IFI44: variants seen among roughly 807,000 people sequenced by gnomAD.
IFI44 encodes the protein interferon-induced protein 44.
In IFI44, 42 loss-of-function variants were observed where a neutral mutation model predicts 45.0. The observed-to-expected ratio is 0.93, with a 90% confidence interval of 0.73 to 1.21. The LOEUF (loss-of-function observed/expected upper bound fraction) is 1.21. Among genes scored for constraint, IFI44 ranks in the 50% most tolerant of loss-of-function variants. The pLI, the probability that IFI44 is intolerant of heterozygous loss-of-function variation, is 0.00. For synonymous variants in IFI44, 221 were observed against 188.6 expected, an observed-to-expected ratio of 1.17 and a Z score of -1.41; for missense variants, 623 against 525.8, an observed-to-expected ratio of 1.18 and a Z score of -1.81.
At chr1:78,661,562 C>T (rs1241503229) in intron 7 of IFI44, among the ~76,000 whole-genome samples, 1 of 151,942 alleles carries the variant, frequency 6.6e-6, no homozygotes, top group Non-Finnish European at 1.5e-5. Context: ...ATCAGCTACA[C>T]AGATCATGAA....
chr1:78,654,478 T>C (rs567329786), intron 3 of IFI44, among the ~76,000 whole-genome samples, 199 bp downstream of exon 3: 1 of 152,098 alleles, frequency 6.6e-6, no homozygotes, highest in Non-Finnish European at 1.5e-5. Context: ...GAAAGGAATT[T>C]TAATGTCATA....
chr1:78,663,170 C>G (rs768416133), intron 8 of IFI44: 2 of 985,060 alleles, frequency 2.0e-6, no homozygotes, highest in Admixed American at 6.2e-5. Context: ...CAAGCTGTAT[C>G]CCTGGCCTCT....
intron 8 of IFI44, 121 bp from the exon 9 acceptor site, chr1:78,663,644 A>G (rs968582934): frequency 4.0e-5 from 57 of 1,423,560 alleles, no homozygotes; most frequent in African/African-American, 7.3e-5. Flanking sequence ...TCTCTTCCTC[A>G]TGGTACGTGT....
At chr1:78,663,110 T>C (rs964610205) in intron 8 of IFI44, 41 of 985,260 alleles carry the variant, frequency 4.2e-5, no homozygotes, top group Non-Finnish European at 4.7e-5. Context: ...TGTCTTGAGA[T>C]GAAAGTTTTA....
chr1:78,654,138 G>T, intron 2 of IFI44, 105 bp from the exon 3 acceptor site: 2 of 732,406 alleles, frequency 2.7e-6, no homozygotes, highest in African/African-American at 1.8e-5. Flanking sequence ...TCATGGAAAG[G>T]CTATTTTTGT....
intron 6 of IFI44, among the ~76,000 whole-genome samples, chr1:78,660,147 A>T (rs2100469071): frequency 6.6e-6 from 1 of 152,312 alleles, no homozygotes; most frequent in South Asian, 2.1e-4. Context: ...TTTACTTGTG[A>T]TGCTTTGACA....
At chr1:78,652,226 C>T (rs986494121) in intron 2 of IFI44, among the ~76,000 whole-genome samples, 7 of 152,048 alleles carry the variant, frequency 4.6e-5, no homozygotes, top group African/African-American at 1.7e-4. Flanking sequence ...GGATTACAGG[C>T]GGACACCACC....
In IFI44 at chr1:78,654,288, A is replaced by G. The variant is rs762101314; in HGVS notation, c.494+9A>G. The G allele has an allele frequency of 8.3e-5, 117 of 1,414,334 alleles. No individual in the cohort carries two copies. In the Admixed American group the frequency reaches 1.8e-3, roughly 22 times the overall value. The allele number at this position is 1,414,334 out of a possible 1,614,324, so 87.6% of individuals were successfully genotyped here. A position where few individuals can be genotyped will look rare whatever the true frequency, so the allele number is the denominator to read the frequency against. On this transcript the variant is annotated intron_variant, in intron 3 of 8. Coordinates refer to ENST00000370747, the MANE Select transcript of IFI44 (RefSeq NM_006417.5). ...ATAAAAGGGGTCATTGAGTAAGTCA[A>G]TGTTTTTAAGATTCTATTACTCTCT...
intron 5 of IFI44, among the ~76,000 whole-genome samples, chr1:78,655,906 T>C (rs980960295): frequency 3.3e-5 from 5 of 152,176 alleles, no homozygotes; most frequent in Admixed American, 6.5e-5. Flanking sequence ...CAAATTTATA[T>C]GTTGAAGTCC....
In IFI44 at chr1:78,663,792, G is replaced by A. The variant is rs1647607983; in HGVS notation, c.1316G>A (p.Cys439Tyr). 6.2e-7 allele frequency: 1 copy of A among 1,612,106 alleles called. No individual in the cohort carries two copies. Among genetic ancestry groups the A allele is most frequent in the African/African-American group, 1.3e-5 (1 of 74,814 alleles). Residue 439 changes from cysteine (C) to tyrosine (Y), a missense_variant, in exon 9 of 9, where the codon TGT becomes TAT. By Grantham distance (194) the Cys-to-Tyr change is radical. Coordinates refer to ENST00000370747, the MANE Select transcript of IFI44 (RefSeq NM_006417.5). ...IGNLREEIINCAQGKK is the reference protein window; with the variant it reads ...IGNLREEIINYAQGKK ...AATCTAAGGGAGGAAATTATCAACT[G>A]TGCACAAGGAAAAAAATAGATATGT...
chr1:78,652,027 T>G (rs1172146550), intron 2 of IFI44, among the ~76,000 whole-genome samples: 62 of 152,154 alleles, frequency 4.1e-4, no homozygotes, highest in Non-Finnish European at 1.0e-4. Flanking sequence ...ATTGAAAAAT[T>G]ACACACCAGT....
At position 78,660,658 on chromosome 1, in the gene IFI44, A is replaced by T. The variant is rs1470485893; in HGVS notation, c.1113+4A>T. The T allele has an allele frequency of 4.5e-6, 7 of 1,566,648 alleles. No individual in the cohort carries two copies. Among genetic ancestry groups the T allele is most frequent in the Non-Finnish European group, 6.2e-6 (7 of 1,137,150 alleles). The stretch of plus-strand genomic sequence containing the variant: ...ATGTGAGCCTGTGAGGTCCAAGGTA[A>T]TGAATGATGCCCTTCGTAAACACAT... On this transcript the variant is annotated splice_donor_region_variant and intron_variant, in intron 7 of 8. Transcript: ENST00000370747.
rs1053466449 is a variant in IFI44 at position 78,660,597 on chromosome 1, T to C, written c.1056T>C (p.Asp352=). ...TGCTCACTCATGTGGATAGCATGGA[T>C]TTGATTACAAAAGGTGACCTTATAG... is the stretch of plus-strand genomic sequence containing the variant. ...VALLTHVDSM[D]LITKGDLIEI... is the part of the protein sequence containing the mutation. The change falls in exon 7 of 9, where the codon GAT becomes GAC. Residue 352 remains aspartate, a synonymous_variant. Coordinates refer to ENST00000370747, the MANE Select transcript of IFI44 (RefSeq NM_006417.5). 15 of 1,613,820 alleles carry C rather than the reference T, an allele frequency of 9.3e-6. No homozygotes were observed. The highest frequency in any genetic ancestry group is 1.3e-5 in the Non-Finnish European group (15 of 1,179,804).
At chr1:78,662,137 A>G (rs1647494889) in intron 7 of IFI44, among the ~76,000 whole-genome samples, 1 of 152,242 alleles carries the variant, frequency 6.6e-6, no homozygotes, top group African/African-American at 2.4e-5. Context: ...ACCAGTTGGG[A>G]GAATGCAATG....
chr1:78,651,006 G>A (rs1339139938), intron 2 of IFI44, among the ~76,000 whole-genome samples: 1 of 152,148 alleles, frequency 6.6e-6, no homozygotes, highest in African/African-American at 2.4e-5. Flanking sequence ...TCAGGGACAT[G>A]CTGTATGTTG....
chr1:78,660,729 T>C (rs553093829), intron 7 of IFI44, 75 bp downstream of exon 7: 1 of 982,548 alleles, frequency 1.0e-6, no homozygotes, highest in South Asian at 1.3e-5. Flanking sequence ...TGTATAAAAA[T>C]AAAAACAAGC....
chr1:78,663,295 C>G, intron 8 of IFI44: 1 of 985,244 alleles, frequency 1.0e-6, no homozygotes, highest in Non-Finnish European at 1.2e-6. Context: ...ACACTCCTGT[C>G]TTTCTTTGAC....
At position 78,663,935 on chromosome 1, in the gene IFI44, A is replaced by G; in HGVS notation, c.*124A>G. The G allele has an allele frequency of 1.3e-6, 1 of 757,802 alleles. No individual in the cohort carries two copies. Among genetic ancestry groups the G allele is most frequent in the Admixed American group, 3.1e-5 (1 of 31,926 alleles). The allele number at this position is 757,802 out of a possible 1,614,324, so 46.9% of individuals were successfully genotyped here. On this transcript the variant is annotated 3_prime_UTR_variant, in exon 9 of 9. Coordinates refer to ENST00000370747, the MANE Select transcript of IFI44 (RefSeq NM_006417.5). ...ATGTGTTTTATTAATGTCTAGGATG[A>G]AGAAATGCATAGAACATTGTAGTAC...
Position 78,650,258 on chromosome 1 carries a change from G to A in IFI44, c.63G>A (p.Gly21=), listed in dbSNP as rs1287755264. ...AGATCCTGCAAAATCATTTTGGAGG[G>A]AAGCGGCTTAGCCTTCTCTATAAGG... ...HEKILQNHFG[G]KRLSLLYKGS... is the part of the protein sequence containing the mutation. The change falls in exon 2 of 9, where the codon GGG becomes GGA. Residue 21 remains glycine (G), a synonymous_variant. Transcript: ENST00000370747. The A allele has an allele frequency of 1.2e-6, 2 of 1,612,218 alleles. No individual in the cohort carries two copies. The highest frequency in any genetic ancestry group is 2.2e-5 in the South Asian group (2 of 90,984).
Sources: allele counts gnomAD v4.1 joint callset (sites outside exome capture counted in the v4.1 genomes callset), GRCh38; gene constraint gnomAD v4.1.1; transcripts MANE v1.5; gene names NCBI Gene and HGNC (gene_info 2026-07-23, HGNC 2026-07-21).